Variants in CRAMP1 observed in about 807,000 individuals in gnomAD.
CRAMP1 encodes cramped chromatin regulator 1.
CRAMP1 carries 50 observed loss-of-function variants against 115.4 expected under a neutral mutation model. The observed-to-expected ratio is 0.43, with a 90% CI of 0.35 to 0.55. CRAMP1 has a LOEUF of 0.55. CRAMP1 is among the 20% of genes least tolerant of loss of function. The pLI is 0.01. For missense variants in CRAMP1, 1,679 were observed against 1,721.7 expected, an observed-to-expected ratio of 0.98 and a Z score of 0.44; for synonymous variants, 866 against 745.4, an observed-to-expected ratio of 1.16 and a Z score of -2.64.
intron 5 of CRAMP1, among the ~76,000 whole-genome samples, chr16:1,640,037 C>T (rs2036619251): frequency 6.6e-6 from 1 of 152,302 alleles, no homozygotes; most frequent in Non-Finnish European, 1.5e-5. Flanking sequence ...CATGCCATGC[C>T]TGGCCGGTTT....
chr16:1,612,706 G>T (rs867024975), intron 1 of CRAMP1, among the ~76,000 whole-genome samples, 49 bp downstream of exon 1: 2 of 152,106 alleles, frequency 1.3e-5, no homozygotes, highest in Non-Finnish European at 2.9e-5. Context: ...CCGGCCGGGG[G>T]GTCCTGTCGG....
Position 1,660,076 on chromosome 16 carries a change from C to T in CRAMP1, c.2413+13C>T. ...CCCTGCTCCTCAGGTGAGGCTGTGG[C>T]AGCCACACTCCTTGTGCCTGGGCTG... On this transcript the variant is annotated intron_variant, in intron 11 of 20. Transcript: ENST00000397412. The T allele has an allele frequency of 6.5e-7, 1 of 1,533,150 alleles. No individual in the cohort carries two copies. The highest frequency in any genetic ancestry group is 8.7e-7 in the Non-Finnish European group (1 of 1,149,510). 95.0% of individuals were successfully genotyped at this position (1,533,150 alleles called of 1,614,324 possible).
rs1567448188 is a variant in CRAMP1, at chr16:1,626,067, G to C, written c.441G>C (p.Gly147=). The C allele has an allele frequency of 6.4e-7, 1 of 1,551,564 alleles. No homozygotes were observed. Among genetic ancestry groups the C allele is most frequent in the Non-Finnish European group, 8.7e-7 (1 of 1,146,900 alleles). Residue 147 remains glycine (G), a synonymous_variant, in exon 3 of 21, where the codon GGG becomes GGC. Coordinates refer to ENST00000397412, the MANE Select transcript of CRAMP1 (RefSeq NM_020825.4). ...GGSRSSSRNL[G]SSGGEKEEGK... ...CGCGCTCCTCCTCCCGGAACTTAGG[G>C]TCTTCTGGTGGCGAGAAGGAAGAAG...
intron 4 of CRAMP1, among the ~76,000 whole-genome samples, chr16:1,636,701 T>C (rs2036591017): frequency 6.6e-6 from 1 of 152,214 alleles, no homozygotes; most frequent in Non-Finnish European, 1.5e-5. Flanking sequence ...TCTGGTGTAA[T>C]ACAGTAACAA....
Position 1,643,280 on chromosome 16 carries a change from C to G in CRAMP1, c.827+2093C>G, listed in dbSNP as rs190348319. On this transcript the variant is annotated intron_variant, in intron 6 of 20. Transcript: ENST00000397412. ...CAGGTTGCCCAGGCGTAGTGGCTCA[C>G]GCCTGAAATCCCAGCACTTTGGGAG... Among the ~76,000 whole-genome samples, 6 of 152,184 alleles carry G rather than the reference C, an allele frequency of 3.9e-5. No homozygotes were observed. The East Asian group carries it at 1.2e-3, about 29-fold the overall frequency.
intron 20 of CRAMP1, among the ~76,000 whole-genome samples, chr16:1,673,345 C>T (rs889110482): frequency 1.9e-4 from 28 of 147,298 alleles, no homozygotes; most frequent in Admixed American, 1.3e-3. Context: ...ATGTCTGTGA[C>T]GGGAACGTGT....
chr16:1,614,570 C>A lies in CRAMP1; in HGVS notation c.-1-69C>A. ...CAAACAACGGCGGCCATGTTGAGAG[C>A]GCGTCGGGGCCGCTAAACTTCCCGG... On this transcript the variant is annotated intron_variant, in intron 1 of 20. Coordinates refer to ENST00000397412, the MANE Select transcript of CRAMP1 (RefSeq NM_020825.4). The surrounding 1 kb of genome is among the most constrained non-coding windows in gnomAD (Gnocchi z 4.4). The A allele has an allele frequency of 1.0e-6, 1 of 960,444 alleles. No homozygotes were observed. Among genetic ancestry groups the A allele is most frequent in the South Asian group, 5.1e-5 (1 of 19,478 alleles). 59.5% of individuals were successfully genotyped at this position (960,444 alleles called of 1,614,324 possible).
intron 6 of CRAMP1, chr16:1,645,504 A>G (rs1324914472): frequency 2.5e-5 from 4 of 161,542 alleles, no homozygotes; most frequent in African/African-American, 7.2e-5. Context: ...TCCTTTTATC[A>G]CAACTCATGA....
intron 2 of CRAMP1, 184 bp from the exon 3 acceptor site, chr16:1,625,789 A>G (rs929106): frequency 0.15 from 80,879 of 552,918 alleles, 8,198 homozygotes; most frequent in East Asian, 0.35. Context: ...CCAGGTAAAG[A>G]TCCTGGCAGT....
chr16:1,673,267 T>G (rs1187200832), intron 20 of CRAMP1, among the ~76,000 whole-genome samples: 1 of 141,584 alleles, frequency 7.1e-6, no homozygotes, highest in Non-Finnish European at 1.5e-5. Flanking sequence ...TCCTCATGTC[T>G]CTTGACGGGA....
intron 10 of CRAMP1, among the ~76,000 whole-genome samples, chr16:1,657,282 A>G (rs1413553483): frequency 6.6e-6 from 1 of 152,240 alleles, no homozygotes; most frequent in African/African-American, 2.4e-5. Context: ...CCAGAAGTGC[A>G]GTGATGAGTG....
At position 1,656,477 on chromosome 16, in the gene CRAMP1, C is replaced by T; in HGVS notation, c.1720C>T (p.Pro574Ser). 1 of 1,579,352 alleles carries T rather than the reference C, an allele frequency of 6.3e-7. No homozygotes were observed. Among genetic ancestry groups the T allele is most frequent in the Non-Finnish European group, 8.6e-7 (1 of 1,163,414 alleles). The part of the protein sequence containing the change: ...YLKSCQDLIV[P>S]EQCRCADTRP... ...AAAGTCCTGTCAGGACCTCATTGTC[C>T]CCGAGCAGTGCCGCTGTGCGGACAC... is the stretch of plus-strand genomic sequence containing the variant. Residue 574 changes from proline (P) to serine (S), a missense_variant, in exon 10 of 21, where the codon CCC becomes TCC. This residue lies in a region of CRAMP1 where 405 missense variants were observed against 302.6 expected (regional missense o/e 1.34). Coordinates refer to ENST00000397412, the MANE Select transcript of CRAMP1 (RefSeq NM_020825.4). This position sits in a 1 kb window ranked among gnomAD's most constrained non-coding sequence, Gnocchi z 5.6.
chr16:1,664,117 C>T (rs368963952), intron 13 of CRAMP1, among the ~76,000 whole-genome samples: 8 of 152,230 alleles, frequency 5.3e-5, no homozygotes, highest in African/African-American at 1.9e-4. Flanking sequence ...AGGGTCAGAA[C>T]TGCAGCGGCA....
chr16:1,640,182 G>A (rs976589097), intron 5 of CRAMP1, among the ~76,000 whole-genome samples: 19 of 151,690 alleles, frequency 1.3e-4, no homozygotes, highest in African/African-American at 2.9e-4. Context: ...ATTTTTTTCC[G>A]TGCAGTTGTG....
At chr16:1,638,018 A>G (rs986891597) in intron 5 of CRAMP1, 111 bp downstream of exon 5, 1 of 497,592 alleles carries the variant, frequency 2.0e-6, no homozygotes, top group Admixed American at 4.2e-5. Flanking sequence ...TCTTGAAAAA[A>G]TTTTACTAGA....
intron 6 of CRAMP1, among the ~76,000 whole-genome samples, chr16:1,649,785 ATTTTTTT>A (rs35942594): frequency 2.4e-4 from 16 of 65,736 alleles, no homozygotes; most frequent in Admixed American, 6.2e-4. Flanking sequence ...ATGAGCCACT[ATTTTTTT>A]TTTTTTTTTT....
Position 1,666,358 on chromosome 16 carries a change from C to T in CRAMP1, c.2858-64C>T. 2 of 1,491,768 alleles carry T rather than the reference C, an allele frequency of 1.3e-6. No homozygotes were observed. The highest frequency in any genetic ancestry group is 1.8e-6 in the Non-Finnish European group (2 of 1,090,066). The allele number at this position is 1,491,768 out of a possible 1,614,324, so 92.4% of individuals were successfully genotyped here. A position where few individuals can be genotyped will look rare whatever the true frequency, so the allele number is the denominator to read the frequency against. ...GCGAGGGAGAAGCTGTTCCCCGAGCCCTCTTGGGACATCTTATGGGTTGTC... is the reference window on the plus strand; with the variant it reads ...GCGAGGGAGAAGCTGTTCCCCGAGCTCTCTTGGGACATCTTATGGGTTGTC... On this transcript the variant is annotated intron_variant, in intron 15 of 20. Transcript: ENST00000397412. The surrounding 1 kb of genome is among the most constrained non-coding windows in gnomAD (Gnocchi z 5.0).
chr16:1,615,048 GAACC>G, intron 2 of CRAMP1, 63 bp downstream of exon 2: 4 of 1,024,158 alleles, frequency 3.9e-6, no homozygotes, highest in Non-Finnish European at 5.0e-6. Context: ...CGGGGGAGAG[GAACC>G]CCTCGCCCCA....
At chr16:1,646,094 G>A (rs2036672165) in intron 6 of CRAMP1, among the ~76,000 whole-genome samples, 1 of 152,146 alleles carries the variant, frequency 6.6e-6, no homozygotes. Flanking sequence ...GTGTTGACTT[G>A]TGGATCTGCA....
Sources: gnomAD v4.1 joint callset for allele counts (sites outside exome capture counted in the v4.1 genomes callset) on GRCh38, gnomAD v4.1.1 for gene constraint, gnomAD v4.1.1 regional missense constraint, Gnocchi (gnomAD v3.1) non-coding constraint, MANE v1.5 for transcripts, NCBI Gene and HGNC (gene_info 2026-07-23, HGNC 2026-07-21) for gene names.